The following ALKBH4 variants were observed in gnomAD, a reference collection of about 807,000 sequenced individuals.
ALKBH4 encodes alkB homolog 4, lysine demethylase.
Under a neutral mutation model 12.1 loss-of-function variants are expected in ALKBH4, and 8 were observed. That is an observed-to-expected ratio of 0.66 (90% CI 0.39 to 1.19). The LOEUF (loss-of-function observed/expected upper bound fraction) is 1.19, where lower values mean the gene tolerates loss of function less well. Ranked by LOEUF, ALKBH4 falls within the 50% of genes most tolerant of loss-of-function variation. The pLI, the probability that ALKBH4 is intolerant of heterozygous loss-of-function variation, is 0.01. For synonymous variants in ALKBH4, 195 were observed against 191.6 expected (o/e 1.02, Z -0.15); for missense variants, 403 against 430.4 (o/e 0.94, Z 0.56).
chr7:102,458,200 G>A (rs1289192290), intron 2 of ALKBH4, among the ~76,000 whole-genome samples: 19 of 152,128 alleles, frequency 1.2e-4, no homozygotes, highest in Admixed American at 7.2e-4. Flanking sequence ...TTGGAAGGCT[G>A]AGGCGGAGGG....
rs778806995 is a variant in ALKBH4 at position 102,456,669 on chromosome 7, C to T, written c.*725G>A. On this transcript the variant is annotated 3_prime_UTR_variant, in exon 3 of 3. Coordinates refer to ENST00000292566, the MANE Select transcript of ALKBH4 (RefSeq NM_017621.4). ...GGTGTCAAGCATGAGTCAGGCTGAG[C>T]CTGACTCTGAAGCTGTTCCCAGCTC... The T allele has an allele frequency of 2.0e-5, 3 of 152,218 alleles. No homozygotes were observed. The highest frequency in any genetic ancestry group is 4.4e-5 in the Non-Finnish European group (3 of 68,054). 9.4% of individuals were successfully genotyped at this position (152,218 alleles called of 1,614,324 possible).
chr7:102,458,066 A>G lies in ALKBH4; in HGVS notation c.322-85T>C. The G allele has an allele frequency of 6.5e-6, 9 of 1,378,754 alleles. No individual in the cohort carries two copies. In the South Asian group the frequency reaches 7.2e-5, roughly 11 times the overall value. The allele number at this position is 1,378,754 out of a possible 1,614,324, so 85.4% of individuals were successfully genotyped here. A position where few individuals can be genotyped will look rare whatever the true frequency, so the allele number is the denominator to read the frequency against. On this transcript the variant is annotated intron_variant, in intron 2 of 2. Coordinates refer to ENST00000292566, the MANE Select transcript of ALKBH4 (RefSeq NM_017621.4). Reference sequence around the variant, plus strand: ...GACTAGGTGGGAAGAATTCAGTCATAGTGACCCAGGCAAGCAAAAGCCCCC... The same window carrying G: ...GACTAGGTGGGAAGAATTCAGTCATGGTGACCCAGGCAAGCAAAAGCCCCC...
Position 102,461,837 on chromosome 7 carries a change from G to A in ALKBH4, c.124-2036C>T, listed in dbSNP as rs559939986. 1.4e-4 allele frequency among the ~76,000 whole-genome samples: 22 copies of A among 152,320 alleles called. No homozygotes were observed. The South Asian group carries it at 4.6e-3, about 32-fold the overall frequency. On this transcript the variant is annotated intron_variant, in intron 1 of 2. Coordinates refer to ENST00000292566, the MANE Select transcript of ALKBH4 (RefSeq NM_017621.4). ...GGTTCTGGCCGGAGTCACCCAGTGA[G>A]GACTTCGGAGGCCACCAGAACTCAG...
At position 102,464,858 on chromosome 7, in the gene ALKBH4, G is replaced by T; in HGVS notation, c.-22C>A. ...CCATCGCGCCGTCCGCGTGGCCAGTGCGCAGGCGCGGCCGTGGGGGCCGCT... is the reference window on the plus strand; with the variant it reads ...CCATCGCGCCGTCCGCGTGGCCAGTTCGCAGGCGCGGCCGTGGGGGCCGCT... On this transcript the variant is annotated 5_prime_UTR_variant, in exon 1 of 3. Transcript: ENST00000292566. 1 of 1,462,004 alleles carries T rather than the reference G, an allele frequency of 6.8e-7. No individual in the cohort carries two copies. 90.6% of individuals were successfully genotyped at this position (1,462,004 alleles called of 1,614,324 possible). A position where few individuals can be genotyped will look rare whatever the true frequency, so the allele number is the denominator to read the frequency against.
intron 1 of ALKBH4, among the ~76,000 whole-genome samples, chr7:102,461,274 T>C (rs139023750): frequency 0.012 from 1,748 of 151,906 alleles, 28 homozygotes; most frequent in African/African-American, 0.04. Flanking sequence ...GAGGTGGAGA[T>C]TGCAGTGAGC....
Position 102,457,673 on chromosome 7 carries a change from G to C in ALKBH4, c.630C>G (p.Ala210=). 6.4e-7 allele frequency: 1 copy of C among 1,559,910 alleles called. No individual in the cohort carries two copies. Among genetic ancestry groups the C allele is most frequent in the Non-Finnish European group, 8.6e-7 (1 of 1,158,596 alleles). ...TCACGCTGTCCACCAAGGCCTCCGG[G>C]GCAGCCGACGGGGCCGAGCAGAGGA... ...SLLLCSAPSA[A]PEALVDSVIA... Residue 210 remains alanine, a synonymous_variant, in exon 3 of 3, where the codon GCC becomes GCG. Transcript: ENST00000292566. This position sits in a 1 kb window ranked among gnomAD's most constrained non-coding sequence, Gnocchi z 5.9.
At chr7:102,464,101 C>A (rs903625596) in intron 1 of ALKBH4, among the ~76,000 whole-genome samples, 3 of 152,158 alleles carry the variant, frequency 2.0e-5, no homozygotes, top group African/African-American at 7.2e-5. Flanking sequence ...ATCCACCTTC[C>A]TACCCCACGC....
chr7:102,464,734 G>A lies in ALKBH4; in HGVS notation c.103C>T (p.Pro35Ser). ...ICERQRGSDPPWELPPAKTYR... is the reference protein window; with the variant it reads ...ICERQRGSDPSWELPPAKTYR... ...CTTACCGCTGGGGGCAGCTCCCAGGGCGGGTCACTGCCGCGCTGCCGCTCG... is the reference window on the plus strand; with the variant it reads ...CTTACCGCTGGGGGCAGCTCCCAGGACGGGTCACTGCCGCGCTGCCGCTCG... The change falls in exon 1 of 3, where the codon CCC (proline) becomes TCC (serine). Residue 35 changes from proline to serine, a missense_variant. Transcript: ENST00000292566. The A allele has an allele frequency of 1.3e-6, 2 of 1,561,736 alleles. No homozygotes were observed. Among genetic ancestry groups the A allele is most frequent in the Non-Finnish European group, 1.7e-6 (2 of 1,157,456 alleles).
chr7:102,463,269 C>G (rs1339101170), intron 1 of ALKBH4, among the ~76,000 whole-genome samples: 1 of 148,190 alleles, frequency 6.7e-6, no homozygotes, highest in South Asian at 2.1e-4. Context: ...CTTTTTAAGG[C>G]TGAATAGTAT....
In ALKBH4 at chr7:102,457,294, C is replaced by A. The variant is rs1797675385; in HGVS notation, c.*100G>T. 7.4e-7 allele frequency: 1 copy of A among 1,350,072 alleles called. No homozygotes were observed. The allele number at this position is 1,350,072 out of a possible 1,614,324, so 83.6% of individuals were successfully genotyped here. A position where few individuals can be genotyped will look rare whatever the true frequency, so the allele number is the denominator to read the frequency against. ...TCACACTGCTCACAGCATCAGGGGT[C>A]AGCCATCTTCTCTTGAAACCCCGTG... On this transcript the variant is annotated 3_prime_UTR_variant, in exon 3 of 3. Transcript: ENST00000292566. The surrounding 1 kb of genome is among the most constrained non-coding windows in gnomAD (Gnocchi z 5.9).
At chr7:102,460,470 T>C (rs1586730761) in intron 1 of ALKBH4, among the ~76,000 whole-genome samples, 1 of 151,790 alleles carries the variant, frequency 6.6e-6, no homozygotes, top group African/African-American at 2.4e-5. Flanking sequence ...TAGGGGGAGG[T>C]GCAGGCAGAG....
Position 102,457,726 on chromosome 7 carries a change from TGGACAGCACGGTGGG to T in ALKBH4, c.562_576del (p.Pro188_Ser192del). On this transcript the variant is annotated inframe_deletion, in exon 3 of 3. Transcript: ENST00000292566. The surrounding 1 kb of genome is among the most constrained non-coding windows in gnomAD (Gnocchi z 5.9). ...AGGCTCCCGGGCGCCTCCCGACACA[TGGACAGCACGGTGGG>T]GGACAGGAGGTTGAGGCTGACCAGC... The T allele has an allele frequency of 3.8e-6, 6 of 1,567,808 alleles. No homozygotes were observed. The highest frequency in any genetic ancestry group is 5.2e-6 in the Non-Finnish European group (6 of 1,159,894).
intron 2 of ALKBH4, chr7:102,459,284 C>T (rs1399966628): frequency 4.3e-5 from 12 of 276,584 alleles, no homozygotes; most frequent in Admixed American, 9.8e-5. Context: ...AGACAGGACA[C>T]GGATGGTGAC....
chr7:102,457,462 C>T lies in ALKBH4; in HGVS notation c.841G>A (p.Gly281Arg), dbSNP rs1359525964. 2 of 1,613,520 alleles carry T rather than the reference C, an allele frequency of 1.2e-6. No individual in the cohort carries two copies. The highest frequency in any genetic ancestry group is 8.5e-7 in the Non-Finnish European group (1 of 1,180,030). The change falls in exon 3 of 3, where the codon GGG becomes AGG. Residue 281 changes from glycine (G) to arginine (R), a missense_variant. By Grantham distance (125) the Gly-to-Arg change is moderately radical (BLOSUM62 -2). Transcript: ENST00000292566. This position sits in a 1 kb window ranked among gnomAD's most constrained non-coding sequence, Gnocchi z 5.9. ...RELSAEFGPG[G>R]RQQELGQELL... ...TCCTGGCCCAGCTCTTGCTGCCTCC[C>T]TCCAGGGCCAAACTCAGCCGACAGC...
Position 102,459,657 on chromosome 7 carries a change from G to A in ALKBH4, c.268C>T (p.Arg90Trp), listed in dbSNP as rs754692846. 6 of 1,614,144 alleles carry A rather than the reference G, an allele frequency of 3.7e-6. No individual in the cohort carries two copies. Among genetic ancestry groups the A allele is most frequent in the Middle Eastern group, 1.7e-4 (1 of 6,060 alleles). The change falls in exon 2 of 3, where the codon CGG becomes TGG. Residue 90 changes from arginine (R) to tryptophan (W), a missense_variant. By Grantham distance (101) the Arg-to-Trp change is moderately radical. Transcript: ENST00000292566. ...TTCCAGGGGTCACGGTCCATGAGCC[G>A]CACCAACTCGGCTTCTTCCTCCCGG... ...VTREEEAELV[R>W]LMDRDPWKLS...
chr7:102,464,299 T>C (rs539419135), intron 1 of ALKBH4, among the ~76,000 whole-genome samples: 106 of 152,300 alleles, frequency 7.0e-4, no homozygotes, highest in African/African-American at 2.5e-3. Flanking sequence ...GTTGCAGCGA[T>C]CCTTGAGTTC....
At chr7:102,464,139 A>G (rs999254614) in intron 1 of ALKBH4, among the ~76,000 whole-genome samples, 1 of 151,956 alleles carries the variant, frequency 6.6e-6, no homozygotes, top group African/African-American at 2.4e-5. Context: ...TGCCCTTGCA[A>G]CCAACCACAG....
chr7:102,462,169 C>T (rs1468225016), intron 1 of ALKBH4, among the ~76,000 whole-genome samples: 4 of 151,978 alleles, frequency 2.6e-5, no homozygotes, highest in African/African-American at 7.3e-5. Flanking sequence ...AAAGGAGTGA[C>T]GAGGTCAAAT....
intron 2 of ALKBH4, among the ~76,000 whole-genome samples, chr7:102,459,027 T>C (rs1797727917): frequency 6.6e-6 from 1 of 151,232 alleles, no homozygotes; most frequent in Non-Finnish European, 1.5e-5. Flanking sequence ...GCACCTGTAG[T>C]CCCAGCTACT....
Sources: gnomAD v4.1 joint callset for allele counts (sites outside exome capture counted in the v4.1 genomes callset) on GRCh38, gnomAD v4.1.1 for gene constraint, Gnocchi (gnomAD v3.1) non-coding constraint, MANE v1.5 for transcripts, NCBI Gene and HGNC (gene_info 2026-07-23, HGNC 2026-07-21) for gene names.